The following RAB8B variants were observed in gnomAD, a reference collection of about 807,000 sequenced individuals.
RAB8B encodes the protein ras-related protein Rab-8B.
RAB8B carries 11 observed loss-of-function variants against 32.0 expected under a neutral mutation model. The ratio of observed to expected loss-of-function variants is 0.34; its 90% CI spans 0.22 to 0.57. The LOEUF (loss-of-function observed/expected upper bound fraction) is 0.57. RAB8B is among the 20% of genes least tolerant of loss of function. RAB8B has a pLI of 0.86. For missense variants in RAB8B, 190 were observed against 258.5 expected (o/e 0.73, Z 1.82); for synonymous variants, 103 against 89.6 (o/e 1.15, Z -0.85).
At chr15:63,196,923 G>T (rs554494957) in intron 1 of RAB8B, among the ~76,000 whole-genome samples, 1 of 152,220 alleles carries the variant, frequency 6.6e-6, no homozygotes, top group East Asian at 1.9e-4. Flanking sequence ...ATACCAAATA[G>T]AAAATGAGTG....
At chr15:63,197,125 C>G (rs1258536791) in intron 1 of RAB8B, among the ~76,000 whole-genome samples, 1 of 151,552 alleles carries the variant, frequency 6.6e-6, no homozygotes, top group African/African-American at 2.4e-5. Flanking sequence ...CTGGACTGAG[C>G]GTTTGGGTTG....
At chr15:63,202,412 C>T (rs1311110075) in intron 1 of RAB8B, among the ~76,000 whole-genome samples, 1 of 152,214 alleles carries the variant, frequency 6.6e-6, no homozygotes, top group Non-Finnish European at 1.5e-5. Flanking sequence ...CATCAAGTTC[C>T]CTCTTGGCCC....
chr15:63,246,817 C>A (rs1229292813), intron 2 of RAB8B, among the ~76,000 whole-genome samples: 1 of 152,212 alleles, frequency 6.6e-6, no homozygotes, highest in Non-Finnish European at 1.5e-5. Context: ...CTCCTGGCAA[C>A]CAGCCTCCTA....
chr15:63,205,230 A>G (rs1193207318), intron 1 of RAB8B, among the ~76,000 whole-genome samples: 1 of 152,148 alleles, frequency 6.6e-6, no homozygotes, highest in Non-Finnish European at 1.5e-5. Flanking sequence ...AACCCAGGAG[A>G]TGGAAGTTGC....
chr15:63,252,481 A>G (rs1422075192), intron 3 of RAB8B, among the ~76,000 whole-genome samples: 1 of 152,240 alleles, frequency 6.6e-6, no homozygotes, highest in African/African-American at 2.4e-5. Context: ...CGTTCTTAAC[A>G]CCACACCATG....
At chr15:63,228,671 A>T (rs971061751) in intron 1 of RAB8B, among the ~76,000 whole-genome samples, 1 of 152,246 alleles carries the variant, frequency 6.6e-6, no homozygotes, top group African/African-American at 2.4e-5. Context: ...GCAGTCCCCA[A>T]TTCACACTAG....
intron 1 of RAB8B, among the ~76,000 whole-genome samples, chr15:63,215,419 G>A (rs1399014368): frequency 6.6e-6 from 1 of 152,126 alleles, no homozygotes; most frequent in African/African-American, 2.4e-5. Flanking sequence ...GTAAAGAGTA[G>A]GAAGTAATTT....
intron 1 of RAB8B, among the ~76,000 whole-genome samples, chr15:63,195,098 C>G (rs1030349845): frequency 6.6e-6 from 1 of 152,114 alleles, no homozygotes; most frequent in Non-Finnish European, 1.5e-5. Context: ...TAGTTGTTTT[C>G]CTTGGTTTCA....
intron 1 of RAB8B, among the ~76,000 whole-genome samples, chr15:63,200,301 T>C (rs2037636805): frequency 6.6e-6 from 1 of 152,218 alleles, no homozygotes; most frequent in East Asian, 1.9e-4. Flanking sequence ...CCTGTATTGA[T>C]CTTGTAAATT....
chr15:63,194,861 T>C (rs2037587460), intron 1 of RAB8B, among the ~76,000 whole-genome samples: 1 of 152,238 alleles, frequency 6.6e-6, no homozygotes, highest in East Asian at 1.9e-4. Flanking sequence ...AGAGACCATA[T>C]GTATCCCACA....
At chr15:63,196,113 T>C (rs1433805060) in intron 1 of RAB8B, among the ~76,000 whole-genome samples, 1 of 152,176 alleles carries the variant, frequency 6.6e-6, no homozygotes, top group African/African-American at 2.4e-5. Flanking sequence ...ATTTCAAGAT[T>C]TGCTGAAAAT....
At chr15:63,215,065 C>T (rs1233556736) in intron 1 of RAB8B, among the ~76,000 whole-genome samples, 1 of 152,116 alleles carries the variant, frequency 6.6e-6, no homozygotes, top group East Asian at 1.9e-4. Context: ...TGACCAAATA[C>T]CATATTTGTC....
chr15:63,238,907 G>A (rs1446013246), intron 1 of RAB8B, among the ~76,000 whole-genome samples: 1 of 152,220 alleles, frequency 6.6e-6, no homozygotes, highest in Admixed American at 6.5e-5. Context: ...AATGAGACAT[G>A]AAGGAAAACT....
intron 1 of RAB8B, chr15:63,224,052 G>A: frequency 5.6e-6 from 1 of 177,746 alleles, no homozygotes; most frequent in Non-Finnish European, 1.2e-5. Flanking sequence ...GGTTGTCTGT[G>A]ATGATCAAAA....
chr15:63,213,467 A>C (rs532788540), intron 1 of RAB8B, among the ~76,000 whole-genome samples: 19 of 152,298 alleles, frequency 1.2e-4, no homozygotes, highest in Admixed American at 5.9e-4. Context: ...TAGTTACTGT[A>C]CTTATGCCTA....
At chr15:63,203,022 A>G (rs1217692426) in intron 1 of RAB8B, among the ~76,000 whole-genome samples, 1 of 152,250 alleles carries the variant, frequency 6.6e-6, no homozygotes, top group East Asian at 1.9e-4. Flanking sequence ...TCTATGGCCC[A>G]AAAAGATTAG....
intron 1 of RAB8B, among the ~76,000 whole-genome samples, chr15:63,230,137 A>G (rs2037924057): frequency 6.6e-6 from 1 of 152,084 alleles, no homozygotes; most frequent in Non-Finnish European, 1.5e-5. Flanking sequence ...TATTATAATT[A>G]TCCTTCCATC....
Position 63,264,492 on chromosome 15 carries a change from C to T in RAB8B, c.*873C>T, listed in dbSNP as rs2038229926. On this transcript the variant is annotated 3_prime_UTR_variant, in exon 8 of 8. Transcript: ENST00000321437. ...TATACCATTTAGGGTTTTAGTGCAG[C>T]ATCTAACTGTGATTCTGTCAATAAG... The T allele has an allele frequency of 6.6e-6, 1 of 152,180 alleles. No homozygotes were observed. The highest frequency in any genetic ancestry group is 2.1e-4 in the South Asian group (1 of 4,828). 9.4% of individuals were successfully genotyped at this position (152,180 alleles called of 1,614,324 possible). A position where few individuals can be genotyped will look rare whatever the true frequency, so the allele number is the denominator to read the frequency against.
chr15:63,209,939 C>T (rs892075849), intron 1 of RAB8B, among the ~76,000 whole-genome samples: 1 of 151,918 alleles, frequency 6.6e-6, no homozygotes, highest in Non-Finnish European at 1.5e-5. Flanking sequence ...TGTGATGTTC[C>T]CCTCCCTGTG....
Sources: gnomAD v4.1 joint callset for allele counts (sites outside exome capture counted in the v4.1 genomes callset) on GRCh38, gnomAD v4.1.1 for gene constraint, MANE v1.5 for transcripts, NCBI Gene and HGNC (gene_info 2026-07-23, HGNC 2026-07-21) for gene names.